Variants in SMAP1 observed in about 807,000 individuals in gnomAD.
SMAP1 encodes small ArfGAP 1, also known as stromal membrane-associated protein 1.
Under a neutral mutation model 58.5 loss-of-function variants are expected in SMAP1, and 24 were observed. That is an observed-to-expected ratio of 0.41 (90% CI 0.30 to 0.58). The LOEUF (loss-of-function observed/expected upper bound fraction) is 0.58. Ranked by LOEUF, SMAP1 falls within the 20% of genes least tolerant of loss-of-function variation. The pLI is 0.29. For synonymous variants in SMAP1, 216 were observed against 196.6 expected (o/e 1.10, Z -0.82); for missense variants, 563 against 566.3 (o/e 0.99, Z 0.06).
intron 1 of SMAP1, among the ~76,000 whole-genome samples, chr6:70,721,551 C>T (rs188308591): frequency 3.2e-4 from 49 of 152,304 alleles, no homozygotes; most frequent in Non-Finnish European, 5.7e-4. Flanking sequence ...TCTGTCTGTT[C>T]CCCATTTCCA....
intron 7 of SMAP1, among the ~76,000 whole-genome samples, chr6:70,847,028 T>C (rs1266588704): frequency 3.3e-5 from 5 of 151,982 alleles, no homozygotes; most frequent in African/African-American, 1.2e-4. Context: ...GTTGTATTCT[T>C]ATTTCCTTTT....
At chr6:70,686,365 T>G (rs955889134) in intron 1 of SMAP1, among the ~76,000 whole-genome samples, 1 of 152,336 alleles carries the variant, frequency 6.6e-6, no homozygotes, top group African/African-American at 2.4e-5. Context: ...TGACAACTTA[T>G]GTGGTCTGTG....
chr6:70,856,022 C>T (rs1771405834), intron 8 of SMAP1, among the ~76,000 whole-genome samples: 1 of 152,172 alleles, frequency 6.6e-6, no homozygotes, highest in South Asian at 2.1e-4. Flanking sequence ...TTAATTTCCA[C>T]TTGCAACTCA....
intron 1 of SMAP1, among the ~76,000 whole-genome samples, chr6:70,717,445 T>G (rs185066130): frequency 6.6e-6 from 1 of 152,304 alleles, no homozygotes; most frequent in African/African-American, 2.4e-5. Context: ...CTTCACTCCT[T>G]AGTTAGAAGC....
intron 1 of SMAP1, among the ~76,000 whole-genome samples, chr6:70,702,217 G>T (rs943214288): frequency 6.6e-6 from 1 of 150,750 alleles, no homozygotes; most frequent in Non-Finnish European, 1.5e-5. Context: ...TTTTTTGGGG[G>T]GGGTTCCTTT....
rs149953464 is a variant in SMAP1 at position 70,709,586 on chromosome 6, T to C, written c.119-22792T>C. On this transcript the variant is annotated intron_variant, in intron 1 of 10. Coordinates refer to ENST00000370455, the MANE Select transcript of SMAP1 (RefSeq NM_001044305.3). ...ATCCTCCTAGCTCAGTTTCCCAAAG[T>C]GTTGGGATTATAGGTGTGAGCCACT... is the stretch of plus-strand genomic sequence containing the variant. 8.2e-3 allele frequency among the ~76,000 whole-genome samples: 1,251 copies of C among 152,222 alleles called. 13 individuals are homozygous for C. The highest frequency in any genetic ancestry group is 0.029 in the African/African-American group (1,199 of 41,534).
chr6:70,859,112 G>A, intron 10 of SMAP1: 1 of 427,106 alleles, frequency 2.3e-6, no homozygotes, highest in Non-Finnish European at 4.2e-6. Flanking sequence ...ATAGTCTAGA[G>A]TGATTTCTAA....
chr6:70,717,083 T>G (rs995570640), intron 1 of SMAP1, among the ~76,000 whole-genome samples: 2 of 152,164 alleles, frequency 1.3e-5, no homozygotes, highest in Non-Finnish European at 2.9e-5. Flanking sequence ...TTGTTCTTTC[T>G]TAGTGGTCTC....
intron 6 of SMAP1, among the ~76,000 whole-genome samples, chr6:70,817,054 T>C (rs919662206): frequency 2.6e-5 from 4 of 151,530 alleles, no homozygotes; most frequent in African/African-American, 9.7e-5. Context: ...AATCGGTAGA[T>C]TTTAGTGACA....
chr6:70,707,637 ACT>A (rs1327789342), intron 1 of SMAP1, among the ~76,000 whole-genome samples: 2 of 152,004 alleles, frequency 1.3e-5, no homozygotes, highest in African/African-American at 4.8e-5. Flanking sequence ...ACAGAGTCTC[ACT>A]CTGTCACCCA....
At position 70,773,382 on chromosome 6, in the gene SMAP1, A is replaced by G. The variant is rs749615708; in HGVS notation, c.371A>G (p.Glu124Gly). ...AVEFFIRDKY[E>G]KKKYYDKNAI... is the part of the protein sequence containing the mutation. ...GAATTTTTCATCAGAGATAAATATG[A>G]AAAGAAGAAATACTACGATAAAAAT... The change falls in exon 4 of 11, where the codon GAA (glutamate) becomes GGA (glycine). Residue 124 changes from glutamate (E) to glycine (G), a missense_variant. By Grantham distance (98) the Glu-to-Gly change is moderately conservative (BLOSUM62 -2). Coordinates refer to ENST00000370455, the MANE Select transcript of SMAP1 (RefSeq NM_001044305.3). 4 of 1,573,966 alleles carry G rather than the reference A, an allele frequency of 2.5e-6. No homozygotes were observed. The highest frequency in any genetic ancestry group is 3.5e-6 in the Non-Finnish European group (4 of 1,150,840).
chr6:70,743,941 T>G (rs1409906645), intron 2 of SMAP1, among the ~76,000 whole-genome samples: 1 of 140,336 alleles, frequency 7.1e-6, no homozygotes, highest in African/African-American at 2.4e-5. Flanking sequence ...AAAAAGTATA[T>G]AAATTTTTAA....
At chr6:70,830,220 G>A (rs765038784) in intron 6 of SMAP1, among the ~76,000 whole-genome samples, 82 of 152,306 alleles carry the variant, frequency 5.4e-4, no homozygotes, top group Non-Finnish European at 9.3e-4. Flanking sequence ...CCTATGCAAT[G>A]TTTTCAATAG....
At position 70,846,164 on chromosome 6, in the gene SMAP1, T is replaced by G. The variant is rs117953970; in HGVS notation, c.665-6376T>G. Among the ~76,000 whole-genome samples the G allele has an allele frequency of 4.6e-3, 693 of 152,298 alleles. 3 individuals carry two copies. The highest frequency in any genetic ancestry group is 5.3e-3 in the Admixed American group (81 of 15,298). On this transcript the variant is annotated intron_variant, in intron 7 of 10. Coordinates refer to ENST00000370455, the MANE Select transcript of SMAP1 (RefSeq NM_001044305.3). ...TGAAAAGGATTTGTAGCCAGGAGAT[T>G]GCTTGTACTTTTCAAAAATAGTGTC... is the stretch of plus-strand genomic sequence containing the variant.
chr6:70,768,912 A>G (rs1767134348), intron 3 of SMAP1, among the ~76,000 whole-genome samples: 1 of 149,032 alleles, frequency 6.7e-6, no homozygotes, highest in African/African-American at 2.5e-5. Flanking sequence ...CCCTCTACAC[A>G]CTGCTTTGAA....
At position 70,861,814 on chromosome 6, in the gene SMAP1, C is replaced by T. The variant is rs1336807423; in HGVS notation, c.*1480C>T. The T allele has an allele frequency of 6.2e-7, 1 of 1,614,030 alleles. No homozygotes were observed. Among genetic ancestry groups the T allele is most frequent in the Admixed American group, 1.7e-5 (1 of 60,012 alleles). ...TGGTGACACTCGAGGTCGGGCAGCA[C>T]AAGTGTAATGAATACCTTAGTGCAG... On this transcript the variant is annotated 3_prime_UTR_variant, in exon 11 of 11. Transcript: ENST00000370455.
At chr6:70,701,906 G>C (rs1767645335) in intron 1 of SMAP1, among the ~76,000 whole-genome samples, 1 of 152,142 alleles carries the variant, frequency 6.6e-6, no homozygotes, top group Non-Finnish European at 1.5e-5. Flanking sequence ...GGTTCTGTTT[G>C]TTCATCTTGC....
intron 6 of SMAP1, among the ~76,000 whole-genome samples, chr6:70,809,969 AG>A (rs529600970): frequency 3.2e-4 from 49 of 152,302 alleles, no homozygotes; most frequent in South Asian, 2.3e-3. Context: ...ATAGAATGCT[AG>A]TTGCTGTTAA....
intron 3 of SMAP1, among the ~76,000 whole-genome samples, chr6:70,759,027 C>T (rs1022981791): frequency 6.6e-6 from 1 of 151,980 alleles, no homozygotes; most frequent in Non-Finnish European, 1.5e-5. Context: ...ATTGAGGAGT[C>T]GCTTAGCATG....
Sources: gnomAD v4.1 joint callset for allele counts (sites outside exome capture counted in the v4.1 genomes callset) on GRCh38, gnomAD v4.1.1 for gene constraint, MANE v1.5 for transcripts, NCBI Gene and HGNC (gene_info 2026-07-23, HGNC 2026-07-21) for gene names.